Variants in TEX9 observed in about 807,000 individuals in gnomAD.
The protein encoded by TEX9 is testis expressed 9, also known as testis-expressed protein 9.
A neutral mutation model predicts 59.6 loss-of-function variants in TEX9; 74 were observed. That is an observed-to-expected ratio of 1.24 (90% CI 1.03 to 1.51). The LOEUF (loss-of-function observed/expected upper bound fraction) is 1.51, where lower values mean the gene tolerates loss of function less well. TEX9 is among the 40% of genes most tolerant of loss of function. The pLI is 0.00. For synonymous variants in TEX9, 186 were observed against 152.2 expected (o/e 1.22, Z -1.64); for missense variants, 522 against 447.8 (o/e 1.17, Z -1.49).
chr15:56,439,301 A>G (rs1447824525), intron 12 of TEX9, among the ~76,000 whole-genome samples: 4 of 152,310 alleles, frequency 2.6e-5, no homozygotes, highest in African/African-American at 7.2e-5. Flanking sequence ...AATTGTGTTC[A>G]TGAACTTAAT....
exon 13 of TEX9, chr15:56,445,853 A>G (rs2050897196): frequency 6.6e-6 from 1 of 152,052 alleles, no homozygotes; most frequent in Non-Finnish European, 1.5e-5. Flanking sequence ...TATCAGGATA[A>G]TTAAAACTGC....
At chr15:56,296,280 A>C (rs370562839) in intron 1 of TEX9, among the ~76,000 whole-genome samples, 2 of 152,134 alleles carry the variant, frequency 1.3e-5, no homozygotes, top group Non-Finnish European at 2.9e-5. Context: ...CTAATTACCT[A>C]ATTCTGTGAC....
intron 10 of TEX9, among the ~76,000 whole-genome samples, chr15:56,416,216 CT>C (rs2049678024): frequency 6.6e-6 from 1 of 151,814 alleles, no homozygotes; most frequent in Non-Finnish European, 1.5e-5. Context: ...CTTTATTTCT[CT>C]TGCCTGATTC....
intron 1 of TEX9, among the ~76,000 whole-genome samples, chr15:56,300,708 G>GAGGGAGAGAGAGA (rs2045331855): frequency 1.3e-4 from 13 of 102,714 alleles, no homozygotes; most frequent in South Asian, 7.2e-4. Flanking sequence ...AGAGAGAGAG[G>GAGGGAGAGAGAGA]GAGAGAGAGA....
intron 10 of TEX9, among the ~76,000 whole-genome samples, chr15:56,426,626 T>C (rs5005389): frequency 0.25 from 11,618 of 47,216 alleles, 2,835 homozygotes; most frequent in African/African-American, 0.52. Flanking sequence ...TATATATATA[T>C]ACACACACAC....
chr15:56,316,354 A>T (rs2045762260), intron 1 of TEX9, among the ~76,000 whole-genome samples: 1 of 151,894 alleles, frequency 6.6e-6, no homozygotes, highest in African/African-American at 2.4e-5. Context: ...TCTGTTTGTT[A>T]GTTTTCCTTC....
chr15:56,434,215 T>G, intron 12 of TEX9: 2 of 1,613,980 alleles, frequency 1.2e-6, no homozygotes, highest in East Asian at 4.5e-5. Flanking sequence ...TGCTTCATTC[T>G]TTGTTTCTGA....
intron 1 of TEX9, among the ~76,000 whole-genome samples, chr15:56,348,039 A>G (rs2046505564): frequency 6.6e-6 from 1 of 152,096 alleles, no homozygotes; most frequent in Admixed American, 6.6e-5. Context: ...CCATGTTGGT[A>G]ATGGAAATGT....
intron 1 of TEX9, among the ~76,000 whole-genome samples, chr15:56,330,378 T>C (rs1312246057): frequency 6.6e-6 from 1 of 151,988 alleles, no homozygotes; most frequent in Non-Finnish European, 1.5e-5. Context: ...ACAGAAAAAG[T>C]CAGAATATTA....
the TEX9 span, among the ~76,000 whole-genome samples, chr15:56,452,889 A>G: frequency 6.6e-6 from 1 of 152,174 alleles, no homozygotes. Context: ...GAACCTTCTC[A>G]AAAGCCTAGT....
chr15:56,406,803 CTTTG>C (rs1185295321), intron 9 of TEX9, among the ~76,000 whole-genome samples: 1 of 152,022 alleles, frequency 6.6e-6, no homozygotes, highest in Non-Finnish European at 1.5e-5. Flanking sequence ...GTTGCAAATT[CTTTG>C]TTTACCTATG....
At chr15:56,394,312 A>G in intron 8 of TEX9, 65 bp downstream of exon 8, 3 of 1,341,000 alleles carry the variant, frequency 2.2e-6, no homozygotes, top group Non-Finnish European at 3.1e-6. Context: ...AATTTCAATT[A>G]CATTTTTTGA....
intron 1 of TEX9, among the ~76,000 whole-genome samples, chr15:56,279,751 T>C (rs1276311523): frequency 1.3e-5 from 2 of 152,200 alleles, no homozygotes; most frequent in African/African-American, 4.8e-5. Flanking sequence ...TATTTTTGCC[T>C]TACTCCAAAG....
intron 1 of TEX9, among the ~76,000 whole-genome samples, chr15:56,298,602 C>T (rs2045270342): frequency 6.6e-6 from 1 of 152,150 alleles, no homozygotes; most frequent in African/African-American, 2.4e-5. Context: ...CCTGCCATTT[C>T]CTCAAGCTGT....
chr15:56,448,136 G>A (rs2050921301), downstream of TEX9, among the ~76,000 whole-genome samples: 1 of 152,176 alleles, frequency 6.6e-6, no homozygotes, highest in Non-Finnish European at 1.5e-5. Flanking sequence ...TGTGGTCACA[G>A]GCTTTCATTT....
chr15:56,427,616 T>C lies in TEX9; in HGVS notation c.975T>C (p.Asn325=), dbSNP rs900289373. ...TTTTCCTTGTGTAGGACATAGCAAA[T>C]GAAGAACACAAAAAAATTGAAGTGT... The change falls in exon 11 of 13, where the codon AAT becomes AAC. Residue 325 remains asparagine, a synonymous_variant. Coordinates refer to ENST00000352903, the Ensembl canonical transcript of TEX9. 7.8e-6 allele frequency: 12 copies of C among 1,531,406 alleles called. No homozygotes were observed. The Admixed American group carries it at 2.2e-4, about 29-fold the overall frequency. 94.9% of individuals were successfully genotyped at this position (1,531,406 alleles called of 1,614,324 possible). A position where few individuals can be genotyped will look rare whatever the true frequency, so the allele number is the denominator to read the frequency against.
chr15:56,269,429 G>A (rs1402292664), intron 1 of TEX9, among the ~76,000 whole-genome samples: 1 of 152,002 alleles, frequency 6.6e-6, no homozygotes, highest in Non-Finnish European at 1.5e-5. Context: ...GTCGATTTTA[G>A]ATCTTTCCTG....
At chr15:56,457,872 G>C in the TEX9 span, among the ~76,000 whole-genome samples, 2 of 148,918 alleles carry the variant, frequency 1.3e-5, no homozygotes, top group Admixed American at 1.3e-4. Context: ...TACCTCTTAA[G>C]CATTTATCCC....
intron 1 of TEX9, among the ~76,000 whole-genome samples, chr15:56,265,880 C>G (rs1391154356): frequency 6.6e-6 from 1 of 151,908 alleles, no homozygotes. Flanking sequence ...GCTTTTTAAT[C>G]CTTTACTGAT....
Sources: allele counts gnomAD v4.1 joint callset (sites outside exome capture counted in the v4.1 genomes callset), GRCh38; gene constraint gnomAD v4.1.1; transcripts MANE v1.5; gene names NCBI Gene and HGNC (gene_info 2026-07-23, HGNC 2026-07-21).